NEK6: variants seen among roughly 807,000 people sequenced by gnomAD.
NEK6 encodes the protein NIMA related kinase 6.
Under a neutral mutation model 43.5 loss-of-function variants are expected in NEK6, and 27 were observed. That is an observed-to-expected ratio of 0.62 (90% CI 0.46 to 0.86). The LOEUF (loss-of-function observed/expected upper bound fraction) is 0.86. NEK6 is among the 40% of genes least tolerant of loss of function. NEK6 has a pLI of 0.00. For missense variants in NEK6, 318 were observed against 414.4 expected, an observed-to-expected ratio of 0.77 and a Z score of 2.02; for synonymous variants, 167 against 164.1, an observed-to-expected ratio of 1.02 and a Z score of -0.14.
chr9:124,345,082 C>G (rs1345463255), intron 8 of NEK6, among the ~76,000 whole-genome samples: 1 of 152,216 alleles, frequency 6.6e-6, no homozygotes, highest in Non-Finnish European at 1.5e-5. Flanking sequence ...CTGGTGGGGG[C>G]CAGGGCCCAC....
intron 8 of NEK6, among the ~76,000 whole-genome samples, chr9:124,347,238 C>T (rs1244779592): frequency 6.6e-6 from 1 of 152,228 alleles, no homozygotes; most frequent in Admixed American, 6.5e-5. Flanking sequence ...ATGCCTCACC[C>T]TTCTCCGGCC....
intron 9 of NEK6, among the ~76,000 whole-genome samples, chr9:124,348,254 A>T (rs924103557): frequency 7.9e-5 from 12 of 152,160 alleles, no homozygotes; most frequent in African/African-American, 2.7e-4. Flanking sequence ...CGGCAGGAGG[A>T]CCGGTCAGTT....
At chr9:124,314,622 CTGGGACCACAGGCG>C (rs1408161816) in intron 4 of NEK6, among the ~76,000 whole-genome samples, 3 of 152,018 alleles carry the variant, frequency 2.0e-5, no homozygotes, top group Non-Finnish European at 4.4e-5. Context: ...TCCCGAGTAG[CTGGGACCACAGGCG>C]CATGCCACCA....
At chr9:124,347,635 A>G in intron 8 of NEK6, 74 bp from the exon 9 acceptor site, 1 of 926,830 alleles carries the variant, frequency 1.1e-6, no homozygotes, top group South Asian at 1.8e-5. Flanking sequence ...AACAATCTGG[A>G]GCAGCCTCCT....
intron 9 of NEK6, among the ~76,000 whole-genome samples, chr9:124,349,378 T>C (rs1283634803): frequency 6.6e-6 from 1 of 152,188 alleles, no homozygotes; most frequent in Admixed American, 6.5e-5. Flanking sequence ...GCTTTGGCTG[T>C]CAGTCTAGAA....
chr9:124,272,812 T>A (rs1831501939), intron 1 of NEK6, among the ~76,000 whole-genome samples: 1 of 152,074 alleles, frequency 6.6e-6, no homozygotes, highest in Non-Finnish European at 1.5e-5. Context: ...GGAGGCTGAG[T>A]GAGGCTGCAT....
In NEK6 at chr9:124,261,684, T is replaced by C. The variant is rs377393880; in HGVS notation, c.-30+3599T>C. On this transcript the variant is annotated intron_variant, in intron 1 of 9. Coordinates refer to ENST00000320246, the MANE Select transcript of NEK6 (RefSeq NM_014397.6). ...TTCTACTACATGTGCTTGAAATGAA[T>C]GTTGTGTGTGAGGACCTGTGTGGTT... 38 of 738,480 alleles carry C rather than the reference T, an allele frequency of 5.1e-5. 1 individual carries two copies. The East Asian group carries it at 3.5e-3, about 69-fold the overall frequency. 45.7% of individuals were successfully genotyped at this position (738,480 alleles called of 1,614,324 possible). A position where few individuals can be genotyped will look rare whatever the true frequency, so the allele number is the denominator to read the frequency against.
chr9:124,340,688 C>G (rs538675955), intron 8 of NEK6, among the ~76,000 whole-genome samples: 51 of 152,332 alleles, frequency 3.3e-4, no homozygotes, highest in African/African-American at 1.2e-3. Flanking sequence ...TGGCTTGGAG[C>G]TGACACACTG....
intron 8 of NEK6, among the ~76,000 whole-genome samples, chr9:124,340,527 T>C (rs566798013): frequency 1.3e-5 from 2 of 152,326 alleles, no homozygotes; most frequent in African/African-American, 2.4e-5. Flanking sequence ...CCACCTGTCT[T>C]GCATTGTCCT....
At chr9:124,258,706 G>C (rs143873154) in intron 1 of NEK6, among the ~76,000 whole-genome samples, 112 of 152,352 alleles carry the variant, frequency 7.4e-4, no homozygotes, top group African/African-American at 2.6e-3. Context: ...CCTGGCATGG[G>C]CTGGGGGTCG....
In NEK6 at chr9:124,353,041, G is replaced by A. The variant is rs1023586815; in HGVS notation, c.*2094G>A. The A allele has an allele frequency of 2.0e-5, 3 of 153,212 alleles. No homozygotes were observed. In the East Asian group the frequency reaches 5.8e-4, roughly 29 times the overall value. 9.5% of individuals were successfully genotyped at this position (153,212 alleles called of 1,614,324 possible). ...TTTTATTTCTGTGAAACCGGCCAAA[G>A]TGAGGTCCACCCACCTTCACACAGC... is the stretch of plus-strand genomic sequence containing the variant. On this transcript the variant is annotated 3_prime_UTR_variant, in exon 10 of 10. Coordinates refer to ENST00000320246, the MANE Select transcript of NEK6 (RefSeq NM_014397.6).
chr9:124,345,847 T>G (rs1161096241), intron 8 of NEK6, among the ~76,000 whole-genome samples: 3 of 152,336 alleles, frequency 2.0e-5, no homozygotes, highest in African/African-American at 7.2e-5. Context: ...AATGCCCGAT[T>G]AACCCTTTGC....
At chr9:124,269,403 C>T (rs1831339274) in intron 1 of NEK6, among the ~76,000 whole-genome samples, 1 of 151,126 alleles carries the variant, frequency 6.6e-6, no homozygotes, top group African/African-American at 2.4e-5. Flanking sequence ...GATGGAGTTT[C>T]ACTCTTGTCA....
At chr9:124,266,815 C>T (rs1831248539) in intron 1 of NEK6, among the ~76,000 whole-genome samples, 1 of 152,256 alleles carries the variant, frequency 6.6e-6, no homozygotes, top group Admixed American at 6.5e-5. Flanking sequence ...ACGTTCCTCA[C>T]TCCCCTCAGT....
chr9:124,264,339 T>C (rs1332812251), intron 1 of NEK6, among the ~76,000 whole-genome samples: 6 of 152,300 alleles, frequency 3.9e-5, no homozygotes, highest in South Asian at 4.1e-4. Context: ...AGTCACCTCA[T>C]GCAAGGAGGG....
chr9:124,274,236 G>A lies in NEK6; in HGVS notation c.-30+16151G>A, dbSNP rs185527017. On this transcript the variant is annotated intron_variant, in intron 1 of 9. Coordinates refer to ENST00000320246, the MANE Select transcript of NEK6 (RefSeq NM_014397.6). ...CCAATCTGCTTCCTGCGCATGTCCCGTGTGAGCCTCGCTGTGGCAGGGCAT... is the reference window on the plus strand; with the variant it reads ...CCAATCTGCTTCCTGCGCATGTCCCATGTGAGCCTCGCTGTGGCAGGGCAT... 2.0e-3 allele frequency among the ~76,000 whole-genome samples: 308 copies of A among 152,376 alleles called. 5 individuals carry two copies. The highest frequency in any genetic ancestry group is 6.8e-3 in the African/African-American group (284 of 41,596).
intron 1 of NEK6, chr9:124,292,707 G>A (rs866266495): frequency 1.7e-5 from 19 of 1,141,968 alleles, no homozygotes; most frequent in Admixed American, 1.7e-4. Flanking sequence ...AGTTGGTCTC[G>A]GGGGGCCAGG....
In NEK6 at chr9:124,324,531, G is replaced by A. The variant is rs1041917180; in HGVS notation, c.406-1799G>A. ...CAGCGCTTATAGGACATGACATTTA[G>A]AAAATCACCACTCTCGGCCACGCGC... On this transcript the variant is annotated intron_variant, in intron 5 of 9. Transcript: ENST00000320246. This position sits in a 1 kb window ranked among gnomAD's most constrained non-coding sequence, Gnocchi z 5.3. Among the ~76,000 whole-genome samples, 1 of 152,208 alleles carries A rather than the reference G, an allele frequency of 6.6e-6. No individual in the cohort carries two copies. Among genetic ancestry groups the A allele is most frequent in the African/African-American group, 2.4e-5 (1 of 41,456 alleles).
chr9:124,284,365 T>A (rs10986300), intron 1 of NEK6, among the ~76,000 whole-genome samples: 8,615 of 152,258 alleles, frequency 0.057, 367 homozygotes, highest in Non-Finnish European at 0.086. Context: ...ATAAATAAAA[T>A]AAAATACTGG....
Sources: allele counts gnomAD v4.1 joint callset (sites outside exome capture counted in the v4.1 genomes callset), GRCh38; gene constraint gnomAD v4.1.1; non-coding constraint Gnocchi (gnomAD v3.1); transcripts MANE v1.5; gene names NCBI Gene and HGNC (gene_info 2026-07-23, HGNC 2026-07-21).